The following C8orf34 variants were observed in gnomAD, a reference collection of about 807,000 sequenced individuals.
The protein encoded by C8orf34 is uncharacterized protein C8orf34.
Under a neutral mutation model 68.3 loss-of-function variants are expected in C8orf34, and 65 were observed. The observed-to-expected ratio is 0.95, with a 90% confidence interval of 0.78 to 1.17. The LOEUF is 1.17. Ranked by LOEUF, C8orf34 falls within the 50% of genes most tolerant of loss-of-function variation. The probability of loss-of-function intolerance (pLI) is 0.00; values close to 1 mark genes in which losing one functional copy is unlikely to be tolerated. For synonymous variants in C8orf34, 244 were observed against 241.2 expected (o/e 1.01, Z -0.11); for missense variants, 664 against 655.4 (o/e 1.01, Z -0.14).
intron 10 of C8orf34, among the ~76,000 whole-genome samples, chr8:68,772,465 C>T (rs563682745): frequency 8.5e-5 from 13 of 152,200 alleles, no homozygotes; most frequent in South Asian, 6.2e-4. Flanking sequence ...ACCAGGGGAC[C>T]GACAAGAGCC....
intron 1 of C8orf34, among the ~76,000 whole-genome samples, chr8:68,402,847 T>C (rs1321031707): frequency 6.6e-6 from 1 of 152,190 alleles, no homozygotes. Flanking sequence ...CATGTGCTGG[T>C]GAGAACTCCA....
intron 1 of C8orf34, among the ~76,000 whole-genome samples, chr8:68,398,748 A>C (rs1808825264): frequency 6.6e-6 from 1 of 152,180 alleles, no homozygotes; most frequent in Non-Finnish European, 1.5e-5. Context: ...AGTTTGAAAA[A>C]GTTTCAAGTA....
At chr8:68,793,784 C>G (rs1824081806) in intron 12 of C8orf34, among the ~76,000 whole-genome samples, 1 of 151,970 alleles carries the variant, frequency 6.6e-6, no homozygotes, top group African/African-American at 2.4e-5. Flanking sequence ...ACCTGCACGT[C>G]CTGCCCATGC....
At chr8:68,377,858 C>T (rs897795883) in intron 1 of C8orf34, among the ~76,000 whole-genome samples, 32 of 152,112 alleles carry the variant, frequency 2.1e-4, no homozygotes, top group South Asian at 2.1e-3. Flanking sequence ...CTTACAATCA[C>T]GGTGGAAGGC....
intron 7 of C8orf34, among the ~76,000 whole-genome samples, chr8:68,547,428 T>TACA: frequency 6.6e-6 from 1 of 151,880 alleles, no homozygotes; most frequent in East Asian, 1.9e-4. Context: ...TTCACATGAT[T>TACA]TCATTGGTAA....
intron 1 of C8orf34, among the ~76,000 whole-genome samples, chr8:68,413,121 G>T (rs1031610782): frequency 3.9e-5 from 6 of 152,108 alleles, no homozygotes; most frequent in Admixed American, 3.3e-4. Flanking sequence ...TTAAAATTGT[G>T]ACCACAAATC....
intron 8 of C8orf34, among the ~76,000 whole-genome samples, chr8:68,676,007 G>C (rs1820178168): frequency 6.6e-6 from 1 of 152,120 alleles, no homozygotes; most frequent in African/African-American, 2.4e-5. Context: ...ATAATAATGG[G>C]GTCAGTTCAG....
chr8:68,534,322 C>T (rs181669364), intron 7 of C8orf34: 899 of 985,362 alleles, frequency 9.1e-4, no homozygotes, highest in Middle Eastern at 1.6e-3. Context: ...ACATGGCAGA[C>T]GTGCCCTATG....
intron 1 of C8orf34, among the ~76,000 whole-genome samples, chr8:68,332,076 T>C (rs1236139320): frequency 6.6e-6 from 1 of 151,726 alleles, no homozygotes; most frequent in Admixed American, 6.6e-5. Flanking sequence ...AGACTATAGC[T>C]CTGAGCTGGT....
At chr8:68,663,843 A>G (rs1333480136) in intron 8 of C8orf34, among the ~76,000 whole-genome samples, 1 of 152,208 alleles carries the variant, frequency 6.6e-6, no homozygotes, top group African/African-American at 2.4e-5. Flanking sequence ...ACCAAGTCCA[A>G]AATTCATAAT....
At chr8:68,624,782 A>T (rs1375770300) in intron 7 of C8orf34, among the ~76,000 whole-genome samples, 2 of 152,110 alleles carry the variant, frequency 1.3e-5, no homozygotes, top group Non-Finnish European at 2.9e-5. Context: ...ACTCTGTCAC[A>T]AAAAATGCAA....
chr8:68,356,557 T>C (rs1402045435), intron 1 of C8orf34, among the ~76,000 whole-genome samples: 3 of 152,170 alleles, frequency 2.0e-5, no homozygotes, highest in African/African-American at 7.2e-5. Flanking sequence ...GAAATTCATA[T>C]TTAAATTATG....
intron 7 of C8orf34, among the ~76,000 whole-genome samples, chr8:68,580,776 G>A (rs995678349): frequency 3.3e-5 from 5 of 152,124 alleles, no homozygotes; most frequent in Non-Finnish European, 5.9e-5. Flanking sequence ...CAGAGAGATA[G>A]CTCTTCTTGT....
intron 5 of C8orf34, among the ~76,000 whole-genome samples, chr8:68,492,787 C>T (rs1813369941): frequency 6.7e-6 from 1 of 148,224 alleles, no homozygotes; most frequent in African/African-American, 2.5e-5. Flanking sequence ...AGTGTGCTCA[C>T]CCACCGAGAT....
At chr8:68,717,856 A>G (rs1211338100) in intron 9 of C8orf34, among the ~76,000 whole-genome samples, 1 of 152,198 alleles carries the variant, frequency 6.6e-6, no homozygotes, top group Admixed American at 6.5e-5. Context: ...CAAATCTATT[A>G]TAATGGTGAT....
chr8:68,647,430 A>G (rs976109673), intron 8 of C8orf34, among the ~76,000 whole-genome samples: 17 of 152,234 alleles, frequency 1.1e-4, no homozygotes, highest in African/African-American at 3.6e-4. Context: ...TGTTCCAGCA[A>G]TCCCACTTCT....
rs542695629 is a variant in C8orf34 at position 68,750,597 on chromosome 8, C to T, written c.1405-25802C>T. On this transcript the variant is annotated intron_variant, in intron 10 of 13. Coordinates refer to ENST00000518698, the MANE Select transcript of C8orf34 (RefSeq NM_052958.4). The stretch of plus-strand genomic sequence containing the variant: ...TCAATCTTAACTTTAAAATATAAAA[C>T]GGTAAATGTTATGTTACGTGCATTT... Among the ~76,000 whole-genome samples, 20 of 152,126 alleles carry T rather than the reference C, an allele frequency of 1.3e-4. No individual in the cohort carries two copies. The South Asian group carries it at 2.3e-3, about 17-fold the overall frequency.
intron 3 of C8orf34, among the ~76,000 whole-genome samples, chr8:68,462,705 A>G (rs1299661542): frequency 1.3e-5 from 2 of 152,056 alleles, no homozygotes; most frequent in African/African-American, 2.4e-5. Context: ...GGTACATAAC[A>G]AAATGAAGGC....
intron 10 of C8orf34, among the ~76,000 whole-genome samples, chr8:68,757,503 G>A (rs1270700613): frequency 2.0e-5 from 3 of 151,996 alleles, no homozygotes; most frequent in African/African-American, 7.3e-5. Context: ...GATGGCGGGC[G>A]CCTGTAGTCC....
Sources: gnomAD v4.1 joint callset for allele counts (sites outside exome capture counted in the v4.1 genomes callset) on GRCh38, gnomAD v4.1.1 for gene constraint, MANE v1.5 for transcripts, NCBI Gene and HGNC (gene_info 2026-07-23, HGNC 2026-07-21) for gene names.